ZNF83: variants seen among roughly 807,000 people sequenced by gnomAD.
ZNF83 encodes zinc finger protein 83.
For missense variants in ZNF83, 552 were observed against 629.9 expected, an observed-to-expected ratio of 0.88 and a Z score of 1.32; for synonymous variants, 209 against 213.0, an observed-to-expected ratio of 0.98 and a Z score of 0.17.
At chr19:52,665,649 C>T (rs145047729) in intron 1 of ZNF83, among the ~76,000 whole-genome samples, 17 of 152,248 alleles carry the variant, frequency 1.1e-4, no homozygotes, top group African/African-American at 3.4e-4. Context: ...CAACCTGACT[C>T]ATTCCATAAT....
chr19:52,660,875 AT>A (rs67461907), intron 1 of ZNF83: 3 of 153,678 alleles, frequency 2.0e-5, no homozygotes, highest in South Asian at 3.9e-4. Flanking sequence ...TATTTAATTA[AT>A]TTTTTTTGAG....
Position 52,687,381 on chromosome 19 carries a change from T to TTA in ZNF83, c.-283+3060_-283+3061dup, listed in dbSNP as rs1255707164. On this transcript the variant is annotated intron_variant, in intron 1 of 5. Coordinates refer to the ZNF83 transcript ENST00000594682. ...TATAAATTATAATATAAATTATAAT[T>TTA]TATATATATATAATTTATATAGCTA... Among the ~76,000 whole-genome samples, 92 of 35,796 alleles carry TTA rather than the reference T, an allele frequency of 2.6e-3. 30 individuals are homozygous for TTA. The African/African-American group carries it at 0.03, about 12-fold the overall frequency. The allele number at this position is 35,796 out of a possible 152,430, so 23.5% of individuals were successfully genotyped here.
chr19:52,644,238 G>A (rs1354877581), intron 3 of ZNF83, among the ~76,000 whole-genome samples: 3 of 150,972 alleles, frequency 2.0e-5, no homozygotes, highest in Non-Finnish European at 2.9e-5. Flanking sequence ...ATTACAACTG[G>A]ACAGTCCCCT....
At chr19:52,615,028 A>T (rs2060254767) in intron 2 of ZNF83, among the ~76,000 whole-genome samples, 1 of 152,224 alleles carries the variant, frequency 6.6e-6, no homozygotes, top group Non-Finnish European at 1.5e-5. Flanking sequence ...TAGTATAAAG[A>T]AACCTATGGC....
intron 2 of ZNF83, among the ~76,000 whole-genome samples, chr19:52,630,480 C>T (rs574653635): frequency 2.6e-5 from 4 of 152,266 alleles, no homozygotes; most frequent in African/African-American, 7.2e-5. Context: ...TTGGACAACA[C>T]TCTTTTATGC....
intron 2 of ZNF83, among the ~76,000 whole-genome samples, chr19:52,626,114 C>T (rs1161966724): frequency 2.0e-5 from 3 of 151,958 alleles, no homozygotes; most frequent in African/African-American, 7.3e-5. Context: ...ACCAAACAGA[C>T]AAAAAAGAGT....
chr19:52,671,689 C>A (rs746668956), intron 1 of ZNF83, among the ~76,000 whole-genome samples: 7 of 152,154 alleles, frequency 4.6e-5, no homozygotes, highest in Admixed American at 2.0e-4. Flanking sequence ...GCGATCAACC[C>A]ACCTTTGCTT....
chr19:52,637,353 C>T (rs1290794313), intron 1 of ZNF83, among the ~76,000 whole-genome samples: 1 of 152,078 alleles, frequency 6.6e-6, no homozygotes, highest in African/African-American at 2.4e-5. Flanking sequence ...CCTCTGTTCT[C>T]CTTGCCACCA....
At chr19:52,617,161 TGCACA>T (rs10572686) in intron 2 of ZNF83, 33,415 of 151,720 alleles carry the variant, frequency 0.22, 4,619 homozygotes, top group African/African-American at 0.4. Context: ...ACGACAAACC[TGCACA>T]ACACGACACG....
At chr19:52,633,709 G>A (rs527955941) in intron 2 of ZNF83, among the ~76,000 whole-genome samples, 9 of 152,280 alleles carry the variant, frequency 5.9e-5, no homozygotes, top group Non-Finnish European at 1.2e-4. Context: ...TCGGGAGTTT[G>A]AGACCAGCCT....
At chr19:52,644,496 C>T (rs1476930641) in intron 3 of ZNF83, among the ~76,000 whole-genome samples, 2 of 152,172 alleles carry the variant, frequency 1.3e-5, no homozygotes, top group Non-Finnish European at 2.9e-5. Flanking sequence ...GTCTTTATCA[C>T]ACCCATTATT....
chr19:52,688,968 A>G (rs2062096240), intron 1 of ZNF83, among the ~76,000 whole-genome samples: 1 of 144,160 alleles, frequency 6.9e-6, no homozygotes, highest in Non-Finnish European at 1.5e-5. Flanking sequence ...AAAAAAAAAA[A>G]AAAAGAGAGA....
chr19:52,636,942 G>A (rs13345810), intron 1 of ZNF83: 12,398 of 152,308 alleles, frequency 0.081, 534 homozygotes, highest in Middle Eastern at 0.11. Flanking sequence ...ACAGGCGTAA[G>A]CCACTGCGCC....
chr19:52,638,803 G>T (rs1036224813), upstream of ZNF83, among the ~76,000 whole-genome samples: 3 of 152,194 alleles, frequency 2.0e-5, no homozygotes, highest in African/African-American at 4.8e-5. Context: ...CTCAGGCCAA[G>T]GATGGGTGAG....
intron 1 of ZNF83, among the ~76,000 whole-genome samples, chr19:52,681,799 G>A (rs1044866963): frequency 5.3e-5 from 8 of 152,134 alleles, no homozygotes; most frequent in African/African-American, 1.7e-4. Context: ...CATCCTACAA[G>A]GTCATTGAAT....
intron 3 of ZNF83, chr19:52,654,298 C>G (rs1465403491): frequency 7.9e-6 from 12 of 1,518,534 alleles, no homozygotes; most frequent in Non-Finnish European, 1.0e-5. Context: ...GCAAAAATCT[C>G]CAATGTGATG....
chr19:52,634,179 G>A (rs2061067784), intron 2 of ZNF83, among the ~76,000 whole-genome samples: 1 of 152,048 alleles, frequency 6.6e-6, no homozygotes, highest in African/African-American at 2.4e-5. Flanking sequence ...GGCTGAGGTA[G>A]GAGAATCACT....
chr19:52,653,063 A>T (rs1411219824), intron 3 of ZNF83: 2 of 1,487,524 alleles, frequency 1.3e-6, no homozygotes, highest in Non-Finnish European at 1.9e-6. Flanking sequence ...TTACACTTGT[A>T]AGGTTTCTCT....
At chr19:52,612,447 T>C (rs551762850) in exon 3 of ZNF83, 1 of 152,946 alleles carries the variant, frequency 6.5e-6, no homozygotes, top group South Asian at 2.1e-4. Context: ...AAAGGCTTAT[T>C]ACATTATCTT....
Sources: gnomAD v4.1 joint callset for allele counts (sites outside exome capture counted in the v4.1 genomes callset) on GRCh38, gnomAD v4.1.1 for gene constraint, MANE v1.5 for transcripts, NCBI Gene and HGNC (gene_info 2026-07-23, HGNC 2026-07-21) for gene names.